The following GPC5 variants were observed in gnomAD, a reference collection of about 807,000 sequenced individuals.
GPC5 encodes glypican 5.
GPC5 carries 47 observed loss-of-function variants against 53.9 expected under a neutral mutation model. The ratio of observed to expected loss-of-function variants is 0.87; its 90% CI spans 0.69 to 1.11. The LOEUF (loss-of-function observed/expected upper bound fraction) is 1.11, where lower values mean the gene tolerates loss of function less well. Among genes scored for constraint, GPC5 ranks in the 50% most tolerant of loss-of-function variants. The probability of loss-of-function intolerance (pLI) is 0.00; values close to 1 mark genes in which losing one functional copy is unlikely to be tolerated. For missense variants in GPC5, 748 were observed against 713.1 expected, an observed-to-expected ratio of 1.05 and a Z score of -0.56; for synonymous variants, 286 against 263.3, an observed-to-expected ratio of 1.09 and a Z score of -0.84.
intron 5 of GPC5, among the ~76,000 whole-genome samples, chr13:91,864,340 G>A (rs915354224): frequency 1.3e-5 from 2 of 152,296 alleles, no homozygotes; most frequent in South Asian, 2.1e-4. Flanking sequence ...TAAGCTCAAG[G>A]AAATCATGCT....
intron 6 of GPC5, among the ~76,000 whole-genome samples, chr13:92,091,619 A>G (rs1026855047): frequency 1.2e-4 from 18 of 152,182 alleles, no homozygotes; most frequent in East Asian, 1.2e-3. Flanking sequence ...ACAAACCTAT[A>G]GACAATATGA....
intron 2 of GPC5, among the ~76,000 whole-genome samples, chr13:91,679,504 G>C (rs2035459108): frequency 6.6e-6 from 1 of 152,158 alleles, no homozygotes; most frequent in Non-Finnish European, 1.5e-5. Flanking sequence ...TGGGGTTCCG[G>C]AAACCTCAGA....
intron 7 of GPC5, among the ~76,000 whole-genome samples, chr13:92,740,171 T>A (rs9523793): frequency 0.26 from 39,126 of 151,726 alleles, 5,252 homozygotes; most frequent in East Asian, 0.43. Context: ...TGCCTCACAC[T>A]CTCTTCTTCA....
At chr13:91,990,785 G>A (rs1186173476) in intron 6 of GPC5, among the ~76,000 whole-genome samples, 1 of 152,136 alleles carries the variant, frequency 6.6e-6, no homozygotes, top group Non-Finnish European at 1.5e-5. Flanking sequence ...AGCAATGCAG[G>A]TGTTTCCACT....
intron 6 of GPC5, among the ~76,000 whole-genome samples, chr13:92,066,711 G>T (rs778616338): frequency 1.3e-5 from 2 of 152,040 alleles, no homozygotes; most frequent in Admixed American, 6.6e-5. Flanking sequence ...GACAGCAAGG[G>T]TATAGAATAC....
chr13:91,792,917 C>G (rs2037990103), intron 5 of GPC5, among the ~76,000 whole-genome samples: 3 of 152,092 alleles, frequency 2.0e-5, no homozygotes, highest in African/African-American at 7.2e-5. Flanking sequence ...GTAATGTGGA[C>G]AGATGACCCT....
At chr13:91,807,053 T>C (rs921955007) in intron 5 of GPC5, among the ~76,000 whole-genome samples, 2 of 152,118 alleles carry the variant, frequency 1.3e-5, no homozygotes. Context: ...TAAGCCTGCT[T>C]CCCACACCAA....
At chr13:92,385,517 T>C (rs1378915024) in intron 7 of GPC5, among the ~76,000 whole-genome samples, 1 of 70,102 alleles carries the variant, frequency 1.4e-5, no homozygotes, top group Non-Finnish European at 3.0e-5. Context: ...CATATATACA[T>C]ACATATGCAT....
chr13:91,600,442 A>G (rs1413365983), intron 2 of GPC5, among the ~76,000 whole-genome samples: 3 of 151,588 alleles, frequency 2.0e-5, no homozygotes, highest in Non-Finnish European at 4.4e-5. Context: ...AGATTGTGCC[A>G]CTGCACTCCA....
chr13:92,389,986 G>A (rs1874918740), intron 7 of GPC5, among the ~76,000 whole-genome samples: 1 of 151,908 alleles, frequency 6.6e-6, no homozygotes, highest in African/African-American at 2.4e-5. Flanking sequence ...CTGGCACTAT[G>A]GTAATATATT....
At chr13:91,415,342 A>G (rs1878125167) in intron 1 of GPC5, among the ~76,000 whole-genome samples, 2 of 152,208 alleles carry the variant, frequency 1.3e-5, no homozygotes, top group Non-Finnish European at 2.9e-5. Context: ...CTTGTGGAGC[A>G]GGGTGCTAAC....
At chr13:91,428,801 C>A (rs556598446) in intron 1 of GPC5, among the ~76,000 whole-genome samples, 1 of 151,964 alleles carries the variant, frequency 6.6e-6, no homozygotes, top group African/African-American at 2.4e-5. Flanking sequence ...GAACATAAAG[C>A]TTTTCTAGGG....
At chr13:91,591,798 C>T (rs907652785) in intron 2 of GPC5, among the ~76,000 whole-genome samples, 5 of 152,122 alleles carry the variant, frequency 3.3e-5, no homozygotes, top group Non-Finnish European at 7.3e-5. Context: ...CAGTTTTGTT[C>T]CTTCTTAAAA....
intron 7 of GPC5, among the ~76,000 whole-genome samples, chr13:92,670,033 C>T (rs1886694713): frequency 6.6e-6 from 1 of 152,088 alleles, no homozygotes; most frequent in Non-Finnish European, 1.5e-5. Flanking sequence ...ATATAAACTC[C>T]TAAAAATCAA....
chr13:92,364,479 C>A (rs1300210067), intron 7 of GPC5, among the ~76,000 whole-genome samples: 1 of 151,724 alleles, frequency 6.6e-6, no homozygotes, highest in Non-Finnish European at 1.5e-5. Flanking sequence ...GCCTGTAATC[C>A]CAGCACTTTG....
intron 7 of GPC5, among the ~76,000 whole-genome samples, chr13:92,779,606 C>T (rs754076389): frequency 7.9e-5 from 12 of 152,120 alleles, no homozygotes; most frequent in Non-Finnish European, 1.3e-4. Context: ...CATCTTCCCA[C>T]CTCTTTATCC....
chr13:92,294,312 C>T (rs1310054503), intron 7 of GPC5, among the ~76,000 whole-genome samples: 3 of 152,074 alleles, frequency 2.0e-5, no homozygotes, highest in African/African-American at 4.8e-5. Context: ...ACTGTGAATC[C>T]GTCTGGTCCT....
At chr13:91,898,666 G>C (rs1171512613) in intron 5 of GPC5, among the ~76,000 whole-genome samples, 1 of 130,824 alleles carries the variant, frequency 7.6e-6, no homozygotes, top group Non-Finnish European at 1.6e-5. Flanking sequence ...TTATGTTACT[G>C]TCACCAAAGA....
intron 7 of GPC5, among the ~76,000 whole-genome samples, chr13:92,231,786 T>A (rs538002232): frequency 7.9e-5 from 12 of 151,930 alleles, no homozygotes; most frequent in South Asian, 2.1e-4. Context: ...GCCAACATGG[T>A]GAAACCCCAT....
Sources: allele counts gnomAD v4.1 joint callset (sites outside exome capture counted in the v4.1 genomes callset), GRCh38; gene constraint gnomAD v4.1.1; transcripts MANE v1.5; gene names NCBI Gene and HGNC (gene_info 2026-07-23, HGNC 2026-07-21).